Variants in ZNF804B observed in about 807,000 individuals in gnomAD.
The protein encoded by ZNF804B is zinc finger 804B.
Under a neutral mutation model 101.4 loss-of-function variants are expected in ZNF804B, and 80 were observed. The observed-to-expected ratio is 0.79, with a 90% CI of 0.66 to 0.95. ZNF804B has a LOEUF of 0.95. Among genes scored for constraint, ZNF804B ranks in the 40% least tolerant of loss-of-function variants. The probability of loss-of-function intolerance (pLI) is 0.00; values close to 1 mark genes in which losing one functional copy is unlikely to be tolerated. For missense variants in ZNF804B, 1,673 were observed against 1,561.9 expected, an observed-to-expected ratio of 1.07 and a Z score of -1.20; for synonymous variants, 622 against 558.8, an observed-to-expected ratio of 1.11 and a Z score of -1.59.
At position 89,327,444 on chromosome 7, in the gene ZNF804B, A is replaced by G. The variant is rs1258427014; in HGVS notation, c.350A>G (p.Gln117Arg). The G allele has an allele frequency of 6.2e-7, 1 of 1,611,488 alleles. No individual in the cohort carries two copies. The highest frequency in any genetic ancestry group is 2.2e-5 in the East Asian group (1 of 44,702). The change falls in exon 3 of 4, where the codon CAG (glutamine) becomes CGG (arginine). Residue 117 changes from glutamine to arginine, a missense_variant. By Grantham distance (43) the Gln-to-Arg change is conservative. Transcript: ENST00000333190. ...GAAAAAGCACTTAAACGACTTCATCAGCTGGCTGAGTTAAGGCAGCAATCT... is the reference window on the plus strand; with the variant it reads ...GAAAAAGCACTTAAACGACTTCATCGGCTGGCTGAGTTAAGGCAGCAATCT... ...KQEKALKRLH[Q>R]LAELRQQSEC...
intron 1 of ZNF804B, among the ~76,000 whole-genome samples, chr7:89,079,391 T>C (rs1358441007): frequency 1.3e-5 from 2 of 152,088 alleles, no homozygotes; most frequent in African/African-American, 4.8e-5. Flanking sequence ...TGTCACAAAT[T>C]AATAAGTAAA....
intron 1 of ZNF804B, among the ~76,000 whole-genome samples, chr7:89,085,613 G>C (rs1170786908): frequency 2.0e-5 from 3 of 151,828 alleles, no homozygotes; most frequent in Admixed American, 2.0e-4. Flanking sequence ...CCACTCAAAT[G>C]ACCTCATTCC....
intron 1 of ZNF804B, among the ~76,000 whole-genome samples, chr7:89,168,028 T>C (rs1188011351): frequency 1.3e-5 from 2 of 152,096 alleles, no homozygotes; most frequent in African/African-American, 2.4e-5. Flanking sequence ...CAATAATATA[T>C]ATTTAAGCTT....
At chr7:88,939,164 CT>C (rs773447593) in intron 1 of ZNF804B, among the ~76,000 whole-genome samples, 2 of 151,942 alleles carry the variant, frequency 1.3e-5, no homozygotes, top group East Asian at 1.9e-4. Context: ...AGGAACCCCC[CT>C]GGGATACCAA....
chr7:89,319,424 T>C, intron 2 of ZNF804B, among the ~76,000 whole-genome samples: 1 of 152,090 alleles, frequency 6.6e-6, no homozygotes, highest in East Asian at 1.9e-4. Flanking sequence ...AAAACCCTCA[T>C]CCAAAAACTT....
intron 1 of ZNF804B, among the ~76,000 whole-genome samples, chr7:88,855,956 T>C (rs1049497091): frequency 5.9e-5 from 9 of 152,214 alleles, no homozygotes; most frequent in Admixed American, 3.9e-4. Context: ...TCTGTTCCAT[T>C]GATCTATATC....
At chr7:89,274,787 C>T (rs1290909641) in intron 2 of ZNF804B, among the ~76,000 whole-genome samples, 1 of 151,810 alleles carries the variant, frequency 6.6e-6, no homozygotes, top group Non-Finnish European at 1.5e-5. Flanking sequence ...TCAGGTTTCC[C>T]TTGTAGGACA....
chr7:89,231,603 G>T (rs1789192113), intron 2 of ZNF804B, among the ~76,000 whole-genome samples: 1 of 151,764 alleles, frequency 6.6e-6, no homozygotes, highest in African/African-American at 2.4e-5. Flanking sequence ...TACTTAAATT[G>T]CCTTTAATTT....
chr7:88,762,555 C>A (rs142684031), intron 1 of ZNF804B, among the ~76,000 whole-genome samples: 174 of 152,188 alleles, frequency 1.1e-3, no homozygotes, highest in African/African-American at 4.0e-3. Flanking sequence ...GGTTATAGAT[C>A]TTTTTTTAAT....
At chr7:88,813,533 A>G (rs1417028631) in intron 1 of ZNF804B, among the ~76,000 whole-genome samples, 1 of 151,934 alleles carries the variant, frequency 6.6e-6, no homozygotes, top group African/African-American at 2.4e-5. Flanking sequence ...TTCTTACTGT[A>G]GTTGTTTTTA....
chr7:89,202,674 A>T lies in ZNF804B; in HGVS notation c.109-15481A>T, dbSNP rs180710945. Among the ~76,000 whole-genome samples, 1,125 of 152,220 alleles carry T rather than the reference A, an allele frequency of 7.4e-3. 7 individuals carry two copies. Among genetic ancestry groups the T allele is most frequent in the Non-Finnish European group, 0.013 (908 of 68,002 alleles). ...TCCTTAGACCAACCTCATTTTCCAGATGAGGAAATAGACCCTCCTGAATTA... is the reference window on the plus strand; with the variant it reads ...TCCTTAGACCAACCTCATTTTCCAGTTGAGGAAATAGACCCTCCTGAATTA... On this transcript the variant is annotated intron_variant, in intron 1 of 3. Coordinates refer to ENST00000333190, the MANE Select transcript of ZNF804B (RefSeq NM_181646.5).
At chr7:89,060,728 G>C (rs1351429312) in intron 1 of ZNF804B, among the ~76,000 whole-genome samples, 1 of 152,012 alleles carries the variant, frequency 6.6e-6, no homozygotes, top group African/African-American at 2.4e-5. Context: ...AAGATTTTTA[G>C]AGTTTTAATT....
intron 1 of ZNF804B, among the ~76,000 whole-genome samples, chr7:89,184,618 C>T (rs191842513): frequency 6.6e-6 from 1 of 152,180 alleles, no homozygotes; most frequent in African/African-American, 2.4e-5. Flanking sequence ...AATTCTCTCC[C>T]TTTACTACAG....
intron 1 of ZNF804B, among the ~76,000 whole-genome samples, chr7:89,041,439 CCTGGGGCTTCAGT>C (rs1789015989): frequency 6.6e-6 from 1 of 152,092 alleles, no homozygotes; most frequent in Admixed American, 6.5e-5. Context: ...TAGGAGTTGG[CCTGGGGCTTCAGT>C]CTGCAAGTGC....
At chr7:88,822,992 C>T (rs1791004520) in intron 1 of ZNF804B, among the ~76,000 whole-genome samples, 1 of 151,990 alleles carries the variant, frequency 6.6e-6, no homozygotes, top group Admixed American at 6.6e-5. Context: ...GGGTGTACCA[C>T]AAGGTAAGGA....
chr7:89,140,824 T>A (rs952939358), intron 1 of ZNF804B, among the ~76,000 whole-genome samples: 3 of 151,730 alleles, frequency 2.0e-5, no homozygotes, highest in African/African-American at 7.3e-5. Context: ...AACTTTTAAT[T>A]TTCTTCAATA....
At chr7:89,138,385 G>A (rs1255823235) in intron 1 of ZNF804B, among the ~76,000 whole-genome samples, 1 of 152,088 alleles carries the variant, frequency 6.6e-6, no homozygotes, top group African/African-American at 2.4e-5. Flanking sequence ...GCTTTACGAT[G>A]TGACCGTTGT....
intron 1 of ZNF804B, among the ~76,000 whole-genome samples, chr7:89,023,630 A>G (rs1788703421): frequency 6.6e-6 from 1 of 152,162 alleles, no homozygotes; most frequent in South Asian, 2.1e-4. Context: ...GTCTCTCCAT[A>G]TCACTAGATA....
intron 1 of ZNF804B, among the ~76,000 whole-genome samples, chr7:88,811,649 AG>A (rs1483054654): frequency 6.6e-6 from 1 of 152,246 alleles, no homozygotes; most frequent in East Asian, 1.9e-4. Context: ...GCTATAAAAA[AG>A]AATGAAATCA....
Sources: gnomAD v4.1 joint callset for allele counts (sites outside exome capture counted in the v4.1 genomes callset) on GRCh38, gnomAD v4.1.1 for gene constraint, MANE v1.5 for transcripts, NCBI Gene and HGNC (gene_info 2026-07-23, HGNC 2026-07-21) for gene names.